Variants in FGFR1 observed in about 807,000 individuals in gnomAD.
The protein encoded by FGFR1 is fibroblast growth factor receptor 1.
In FGFR1, 18 loss-of-function variants were observed where a neutral mutation model predicts 93.7. The ratio of observed to expected loss-of-function variants is 0.19; its 90% CI spans 0.13 to 0.28. The LOEUF is 0.28. Among genes scored for constraint, FGFR1 ranks in the 10% least tolerant of loss-of-function variants. The pLI, the probability that FGFR1 is intolerant of heterozygous loss-of-function variation, is 1.00. For missense variants in FGFR1, 731 were observed against 1,080.4 expected (o/e 0.68, Z 4.53); for synonymous variants, 448 against 429.3 (o/e 1.04, Z -0.54).
chr8:38,447,566 C>T (rs190359294), intron 2 of FGFR1, among the ~76,000 whole-genome samples: 131 of 152,262 alleles, frequency 8.6e-4, no homozygotes, highest in African/African-American at 3.1e-3. Flanking sequence ...ACTGCAACCT[C>T]CACCTCCTGG....
intron 2 of FGFR1, among the ~76,000 whole-genome samples, chr8:38,443,470 A>G (rs955367068): frequency 1.3e-5 from 2 of 149,774 alleles, no homozygotes; most frequent in Non-Finnish European, 3.0e-5. Context: ...GATCAGCCTG[A>G]GCAACAAAGT....
Position 38,421,999 on chromosome 8 carries a change from C to T in FGFR1, c.937-58G>A, listed in dbSNP as rs576896328. On this transcript the variant is annotated intron_variant, in intron 7 of 17. Transcript: ENST00000447712. Reference sequence around the variant, plus strand: ...CACAGGACATGAGACCTCTAAGAGACGCAGAGCAAGGGAAGGAGACAGAAA... The same window carrying T: ...CACAGGACATGAGACCTCTAAGAGATGCAGAGCAAGGGAAGGAGACAGAAA... 4.4e-5 allele frequency: 70 copies of T among 1,596,228 alleles called. 1 individual carries two copies. Among genetic ancestry groups the T allele is most frequent in the African/African-American group, 5.4e-5 (4 of 74,660 alleles).
In FGFR1 at chr8:38,421,807, G is replaced by A. The variant is rs746072842; in HGVS notation, c.1071C>T (p.Thr357=). ...IGLSHHSAWL[T]VLEALEERPA... ...AGTTACAGTGTGTACCTTCCAGAAC[G>A]GTCAACCATGCAGAGTGATGGGAGA... Residue 357 remains threonine (T), a synonymous_variant, in exon 8 of 18, where the codon ACC becomes ACT. Transcript: ENST00000447712. 17 of 1,613,938 alleles carry A rather than the reference G, an allele frequency of 1.1e-5. No homozygotes were observed. In the East Asian group the frequency reaches 2.9e-4, roughly 28 times the overall value.
rs764252845 is a variant in FGFR1 at position 38,417,317 on chromosome 8, C to G, written c.1652G>C (p.Cys551Ser). The change falls in exon 12 of 18, where the codon TGC becomes TCC. Residue 551 changes from cysteine to serine, a missense_variant. Physicochemically the swap from Cys to Ser is moderately radical, Grantham distance 112 (BLOSUM62 -1). This residue lies in a region of FGFR1 where 62 missense variants were observed against 99.5 expected (regional missense o/e 0.62). Transcript: ENST00000447712. Reference protein sequence around the residue: ...HKNIINLLGACTQDGPLYVIV... With the variant: ...HKNIINLLGASTQDGPLYVIV... Reference sequence around the variant, plus strand: ...TGGCCGGCACCCACCATCCTGCGTGCAGGCCCCCAGCAGGTTGATGATATT... The same window carrying G: ...TGGCCGGCACCCACCATCCTGCGTGGAGGCCCCCAGCAGGTTGATGATATT... The G allele has an allele frequency of 1.2e-6, 2 of 1,612,796 alleles. No homozygotes were observed. The highest frequency in any genetic ancestry group is 4.5e-5 in the East Asian group (2 of 44,876).
At chr8:38,430,306 C>T (rs948677342) in intron 2 of FGFR1, 7 of 263,950 alleles carry the variant, frequency 2.7e-5, no homozygotes, top group Non-Finnish European at 5.1e-5. Context: ...GAGTTGCCCC[C>T]TCCCCAGATG....
chr8:38,444,404 T>G (rs777062173), intron 2 of FGFR1, among the ~76,000 whole-genome samples: 189 of 150,720 alleles, frequency 1.3e-3, no homozygotes, highest in Middle Eastern at 3.4e-3. Flanking sequence ...TTTTTTTTTC[T>G]TTGAGACAGG....
Position 38,412,664 on chromosome 8 carries a change from A to G in FGFR1, c.*964T>C, listed in dbSNP as rs549108869. 8.6e-6 allele frequency: 2 copies of G among 233,682 alleles called. No individual in the cohort carries two copies. Among genetic ancestry groups the G allele is most frequent in the East Asian group, 6.0e-5 (1 of 16,584 alleles). 14.5% of individuals were successfully genotyped at this position (233,682 alleles called of 1,614,324 possible). On this transcript the variant is annotated 3_prime_UTR_variant, in exon 18 of 18. Transcript: ENST00000447712. Reference sequence around the variant, plus strand: ...GTGCCCTCGGGACAGACCTAGCCCCAGGGCCCGTGGGTGTCCCTTCTTTCC... The same window carrying G: ...GTGCCCTCGGGACAGACCTAGCCCCGGGGCCCGTGGGTGTCCCTTCTTTCC...
At chr8:38,416,782 C>T (rs895137886) in intron 12 of FGFR1, among the ~76,000 whole-genome samples, 3 of 150,690 alleles carry the variant, frequency 2.0e-5, no homozygotes, top group Non-Finnish European at 3.0e-5. Context: ...TTTGAGACAG[C>T]GGGAGTATCT....
chr8:38,439,072 G>A (rs1007658473), intron 2 of FGFR1, among the ~76,000 whole-genome samples: 4 of 152,124 alleles, frequency 2.6e-5, no homozygotes, highest in Non-Finnish European at 4.4e-5. Context: ...CCCTGTTTTG[G>A]CATTGCACTT....
chr8:38,448,932 A>G (rs1586657886), intron 2 of FGFR1, among the ~76,000 whole-genome samples: 1 of 151,788 alleles, frequency 6.6e-6, no homozygotes, highest in East Asian at 1.9e-4. Context: ...TCCAGCCTGG[A>G]TGACTAAGCG....
intron 1 of FGFR1, among the ~76,000 whole-genome samples, chr8:38,467,504 G>A (rs1015269618): frequency 6.6e-6 from 1 of 152,082 alleles, no homozygotes; most frequent in African/African-American, 2.4e-5. Flanking sequence ...TGCTGAATTG[G>A]GGGTGAATCC....
chr8:38,421,746 C>G (rs372809704), intron 8 of FGFR1, 51 bp downstream of exon 8: 1 of 1,591,328 alleles, frequency 6.3e-7, no homozygotes, highest in East Asian at 2.2e-5. Flanking sequence ...CATGCTCCCC[C>G]CGTGCCCGTG....
At position 38,426,283 on chromosome 8, in the gene FGFR1, G is replaced by C. The variant is rs2150868677; in HGVS notation, c.622-38C>G. ...GCCAAAGGGATACATTGAGGGTCCAGAGGAAAATGCAGGCCCCATGACAAT... is the reference window on the plus strand; with the variant it reads ...GCCAAAGGGATACATTGAGGGTCCACAGGAAAATGCAGGCCCCATGACAAT... On this transcript the variant is annotated intron_variant, in intron 5 of 17. Coordinates refer to ENST00000447712, the MANE Select transcript of FGFR1 (RefSeq NM_023110.3). This position sits in a 1 kb window ranked among gnomAD's most constrained non-coding sequence, Gnocchi z 4.1. The C allele has an allele frequency of 6.2e-7, 1 of 1,613,102 alleles. No homozygotes were observed. Among genetic ancestry groups the C allele is most frequent in the South Asian group, 1.1e-5 (1 of 91,034 alleles).
chr8:38,443,635 T>C (rs1303264480), intron 2 of FGFR1, among the ~76,000 whole-genome samples: 1 of 152,006 alleles, frequency 6.6e-6, no homozygotes, highest in East Asian at 1.9e-4. Context: ...ATAGCAACAC[T>C]GCACTCCAGC....
intron 6 of FGFR1, among the ~76,000 whole-genome samples, chr8:38,425,410 AGTGATGGGATCACAGGC>A (rs1488962160): frequency 6.6e-6 from 1 of 152,138 alleles, no homozygotes; most frequent in Non-Finnish European, 1.5e-5. Context: ...GGCCTCCTAA[AGTGATGGGATCACAGGC>A]GTGAGTAATC....
In FGFR1 at chr8:38,468,332, C is replaced by T. The variant is rs1340641928; in HGVS notation, c.-440G>A. On this transcript the variant is annotated 5_prime_UTR_variant, in exon 1 of 18. Coordinates refer to ENST00000447712, the MANE Select transcript of FGFR1 (RefSeq NM_023110.3). ...CCATCGCCCTGCGGAGGCCCCGGCG[C>T]CGCGGCGTGCCCGACTGCAGCACGG... The T allele has an allele frequency of 1.8e-5, 4 of 228,168 alleles. No homozygotes were observed. The highest frequency in any genetic ancestry group is 8.9e-5 in the African/African-American group (4 of 45,030). 14.1% of individuals were successfully genotyped at this position (228,168 alleles called of 1,614,324 possible).
chr8:38,455,438 C>T (rs1348649721), intron 2 of FGFR1, among the ~76,000 whole-genome samples: 1 of 152,070 alleles, frequency 6.6e-6, no homozygotes, highest in Non-Finnish European at 1.5e-5. Context: ...CTACAGGCGC[C>T]TGCCACTACG....
At position 38,414,600 on chromosome 8, in the gene FGFR1, G is replaced by C. The variant is rs760681522; in HGVS notation, c.2007C>G (p.Pro669=). Residue 669 remains proline (P), a synonymous_variant, in exon 15 of 18, where the codon CCC becomes CCG. Transcript: ENST00000447712. ...NGRLPVKWMA[P]EALFDRIYTH... ...TGTAGATCCGGTCAAATAATGCCTC[G>C]GGTGCCATCCACTTCACAGGCAGTC... is the stretch of plus-strand genomic sequence containing the variant. The C allele has an allele frequency of 1.5e-6, 2 of 1,336,416 alleles. No homozygotes were observed. The highest frequency in any genetic ancestry group is 4.1e-5 in the South Asian group (2 of 49,366). 82.8% of individuals were successfully genotyped at this position (1,336,416 alleles called of 1,614,324 possible).
chr8:38,442,576 C>T (rs1331494467), intron 2 of FGFR1, among the ~76,000 whole-genome samples: 1 of 152,008 alleles, frequency 6.6e-6, no homozygotes, highest in Non-Finnish European at 1.5e-5. Context: ...AGAGGTAACC[C>T]TGCAGCTCCC....
Sources: gnomAD v4.1 joint callset for allele counts (sites outside exome capture counted in the v4.1 genomes callset) on GRCh38, gnomAD v4.1.1 for gene constraint, gnomAD v4.1.1 regional missense constraint, Gnocchi (gnomAD v3.1) non-coding constraint, MANE v1.5 for transcripts, NCBI Gene and HGNC (gene_info 2026-07-23, HGNC 2026-07-21) for gene names.